SLC25A25: variants seen among roughly 807,000 people sequenced by gnomAD.
The protein encoded by SLC25A25 is mitochondrial adenyl nucleotide antiporter SLC25A25.
Under a neutral mutation model 57.7 loss-of-function variants are expected in SLC25A25, and 32 were observed. The ratio of observed to expected loss-of-function variants is 0.55; its 90% CI spans 0.42 to 0.74. The LOEUF (loss-of-function observed/expected upper bound fraction) is 0.74. Ranked by LOEUF, SLC25A25 falls within the 30% of genes least tolerant of loss-of-function variation. The probability of loss-of-function intolerance (pLI) is 0.00; values close to 1 mark genes in which losing one functional copy is unlikely to be tolerated. For missense variants in SLC25A25, 556 were observed against 701.3 expected, an observed-to-expected ratio of 0.79 and a Z score of 2.34; for synonymous variants, 306 against 291.2, an observed-to-expected ratio of 1.05 and a Z score of -0.52.
intron 1 of SLC25A25, among the ~76,000 whole-genome samples, chr9:128,081,206 C>T (rs1833149228): frequency 6.6e-6 from 1 of 152,204 alleles, no homozygotes. Context: ...GCGTGTAAGG[C>T]AGCCCAGGGA....
At chr9:128,084,083 C>T (rs1197061703) in intron 1 of SLC25A25, among the ~76,000 whole-genome samples, 1 of 151,994 alleles carries the variant, frequency 6.6e-6, no homozygotes, top group African/African-American at 2.4e-5. Context: ...TTACTGTTCT[C>T]TGAAAAGTAC....
chr9:128,076,241 C>A (rs1833008315), intron 1 of SLC25A25, among the ~76,000 whole-genome samples: 1 of 152,112 alleles, frequency 6.6e-6, no homozygotes, highest in African/African-American at 2.4e-5. Context: ...AATCTATCCT[C>A]CCACTCAGCC....
intron 1 of SLC25A25, chr9:128,100,806 G>A (rs773274546): frequency 3.3e-4 from 128 of 389,488 alleles, no homozygotes; most frequent in Non-Finnish European, 4.9e-4. Flanking sequence ...TGTCCCTGTC[G>A]GCCTCTGTCC....
chr9:128,090,149 A>AG (rs1381843407), intron 1 of SLC25A25, among the ~76,000 whole-genome samples: 1 of 152,152 alleles, frequency 6.6e-6, no homozygotes, highest in Non-Finnish European at 1.5e-5. Context: ...AATAAAAGCT[A>AG]GGAATAAATG....
At chr9:128,083,495 CT>C (rs75968192) in intron 1 of SLC25A25, among the ~76,000 whole-genome samples, 98,669 of 134,744 alleles carry the variant, frequency 0.73, 37,934 homozygotes, top group Non-Finnish European at 0.85. Flanking sequence ...GTTAATATTT[CT>C]TTTTTTTTTC....
At chr9:128,072,058 A>C (rs148042210) in intron 1 of SLC25A25, among the ~76,000 whole-genome samples, 472 of 152,322 alleles carry the variant, frequency 3.1e-3, no homozygotes, top group Admixed American at 4.5e-3. Flanking sequence ...GAACAAATTC[A>C]GTTGTTATAC....
chr9:128,100,443 G>C (rs1564191098), intron 1 of SLC25A25, among the ~76,000 whole-genome samples: 1 of 152,160 alleles, frequency 6.6e-6, no homozygotes, highest in Non-Finnish European at 1.5e-5. Flanking sequence ...GGGAGAGCCA[G>C]GGCAGCTCTA....
intron 1 of SLC25A25, among the ~76,000 whole-genome samples, chr9:128,070,966 A>AG (rs1436296112): frequency 1.1e-4 from 16 of 146,524 alleles, no homozygotes; most frequent in Non-Finnish European, 1.5e-4. Flanking sequence ...AAAAAAAAAA[A>AG]AAAAAAAGAA....
chr9:128,085,224 G>A (rs893256222), intron 1 of SLC25A25, among the ~76,000 whole-genome samples: 6 of 151,968 alleles, frequency 3.9e-5, no homozygotes, highest in Admixed American at 2.0e-4. Flanking sequence ...CCAGCTACTC[G>A]GGAGGCTGAG....
Position 128,107,508 on chromosome 9 carries a change from ATC to A in SLC25A25, c.*67_*68del. 6.8e-7 allele frequency: 1 copy of A among 1,481,460 alleles called. No individual in the cohort carries two copies. Among genetic ancestry groups the A allele is most frequent in the Non-Finnish European group, 9.0e-7 (1 of 1,112,496 alleles). 91.8% of individuals were successfully genotyped at this position (1,481,460 alleles called of 1,614,324 possible). A position where few individuals can be genotyped will look rare whatever the true frequency, so the allele number is the denominator to read the frequency against. ...GGGCCGCAGCCTGGGGTGTGCAGCC[ATC>A]TCATTCTGTGAATGTGCCAACACTA... On this transcript the variant is annotated 3_prime_UTR_variant, in exon 11 of 11. Transcript: ENST00000373069.
intron 1 of SLC25A25, among the ~76,000 whole-genome samples, chr9:128,085,565 AG>A (rs1833257039): frequency 6.6e-6 from 1 of 152,170 alleles, no homozygotes; most frequent in South Asian, 2.1e-4. Context: ...GGGAAGTTTA[AG>A]ATAAATAAGG....
chr9:128,085,503 AG>A (rs1267541147), intron 1 of SLC25A25, among the ~76,000 whole-genome samples: 1 of 152,194 alleles, frequency 6.6e-6, no homozygotes, highest in Non-Finnish European at 1.5e-5. Context: ...CATATAGGCA[AG>A]GTATTCAATT....
chr9:128,074,766 T>TGAGGTGG (rs1832975132), intron 1 of SLC25A25, among the ~76,000 whole-genome samples: 1 of 152,098 alleles, frequency 6.6e-6, no homozygotes, highest in Admixed American at 6.5e-5. Flanking sequence ...TTTATGAGGC[T>TGAGGTGG]GAGGTGGACA....
chr9:128,075,399 C>G (rs1832989413), intron 1 of SLC25A25, among the ~76,000 whole-genome samples: 1 of 152,054 alleles, frequency 6.6e-6, no homozygotes, highest in South Asian at 2.1e-4. Context: ...AGAGTTATTA[C>G]TGGCCAGATG....
intron 1 of SLC25A25, among the ~76,000 whole-genome samples, chr9:128,100,388 C>A (rs1833740098): frequency 6.6e-6 from 1 of 152,108 alleles, no homozygotes; most frequent in Non-Finnish European, 1.5e-5. Context: ...GGAACAGTCT[C>A]TCAAAGCCTT....
At chr9:128,081,656 C>T (rs1211912122) in intron 1 of SLC25A25, among the ~76,000 whole-genome samples, 3 of 152,220 alleles carry the variant, frequency 2.0e-5, no homozygotes, top group Middle Eastern at 3.4e-3. Context: ...AGGCCGGGCA[C>T]GGTGGCTCAT....
chr9:128,094,636 C>A (rs1161509592), intron 1 of SLC25A25, among the ~76,000 whole-genome samples: 2 of 152,152 alleles, frequency 1.3e-5, no homozygotes, highest in Non-Finnish European at 2.9e-5. Flanking sequence ...TGAGTCATTG[C>A]AGAGGAGGGG....
chr9:128,103,760 A>G lies in SLC25A25; in HGVS notation c.704A>G (p.His235Arg). 1 of 1,614,026 alleles carries G rather than the reference A, an allele frequency of 6.2e-7. No individual in the cohort carries two copies. The highest frequency in any genetic ancestry group is 8.5e-7 in the Non-Finnish European group (1 of 1,179,978). Residue 235 changes from histidine (H) to arginine (R), a missense_variant, in exon 6 of 11, where the codon CAC becomes CGC. Physicochemically the swap from His to Arg is conservative, Grantham distance 29. This residue lies in a region of SLC25A25 where 294 missense variants were observed against 389.6 expected (regional missense o/e 0.75). Transcript: ENST00000373069. The surrounding 1 kb of genome is among the most constrained non-coding windows in gnomAD (Gnocchi z 6.7). ...AGGCAGACGGGGATGTGGTGGAGAC[A>G]CCTGGTGGCAGGAGGTGGGGCAGGG... The part of the protein sequence containing the change: ...EERQTGMWWR[H>R]LVAGGGAGAV...
At chr9:128,074,042 A>AT (rs368993748) in intron 1 of SLC25A25, among the ~76,000 whole-genome samples, 1 of 139,816 alleles carries the variant, frequency 7.2e-6, no homozygotes, top group African/African-American at 2.7e-5. Flanking sequence ...CCTTGAGAAG[A>AT]TTTTTTTGTG....
Sources: allele counts gnomAD v4.1 joint callset (sites outside exome capture counted in the v4.1 genomes callset), GRCh38; gene constraint gnomAD v4.1.1; regional missense constraint gnomAD v4.1.1; non-coding constraint Gnocchi (gnomAD v3.1); transcripts MANE v1.5; gene names NCBI Gene and HGNC (gene_info 2026-07-23, HGNC 2026-07-21).